Variants in BMPR1B observed in about 807,000 individuals in gnomAD.
BMPR1B encodes bone morphogenetic protein receptor type 1B.
In BMPR1B, 12 loss-of-function variants were observed where a neutral mutation model predicts 59.1. The observed-to-expected ratio is 0.20, with a 90% CI of 0.13 to 0.33. The LOEUF (loss-of-function observed/expected upper bound fraction) is 0.33, where lower values mean the gene tolerates loss of function less well. Among genes scored for constraint, BMPR1B ranks in the 10% least tolerant of loss-of-function variants. The probability of loss-of-function intolerance (pLI) is 1.00; values close to 1 mark genes in which losing one functional copy is unlikely to be tolerated. For missense variants in BMPR1B, 550 were observed against 610.9 expected (o/e 0.90, Z 1.05); for synonymous variants, 237 against 207.3 (o/e 1.14, Z -1.23).
At chr4:95,116,669 G>A (rs1421768876) in intron 6 of BMPR1B, among the ~76,000 whole-genome samples, 1 of 150,400 alleles carries the variant, frequency 6.6e-6, no homozygotes, top group East Asian at 2.0e-4. Flanking sequence ...AGGCTGGAGT[G>A]CATGGTGTCA....
intron 1 of BMPR1B, among the ~76,000 whole-genome samples, chr4:94,787,105 A>T (rs1229890159): frequency 6.6e-6 from 1 of 152,202 alleles, no homozygotes; most frequent in Non-Finnish European, 1.5e-5. Context: ...AGCCCTTGAT[A>T]TGTAGGAGAC....
intron 2 of BMPR1B, among the ~76,000 whole-genome samples, chr4:94,938,710 A>G (rs1405977605): frequency 3.3e-5 from 5 of 152,196 alleles, no homozygotes; most frequent in African/African-American, 4.8e-5. Context: ...TAAAAAGCAC[A>G]TTATAGTTTC....
intron 1 of BMPR1B, among the ~76,000 whole-genome samples, chr4:94,773,869 T>C (rs1255048511): frequency 2.6e-5 from 4 of 152,062 alleles, no homozygotes; most frequent in Non-Finnish European, 4.4e-5. Flanking sequence ...GTTGAAGTGT[T>C]ATGCAGTTGA....
chr4:94,981,940 G>T (rs757524056), intron 2 of BMPR1B, among the ~76,000 whole-genome samples: 8 of 152,122 alleles, frequency 5.3e-5, no homozygotes, highest in Admixed American at 2.0e-4. Context: ...CAGCAGATAG[G>T]CTTAAGAACA....
chr4:94,832,070 A>G (rs1724616067), intron 1 of BMPR1B, among the ~76,000 whole-genome samples: 1 of 149,590 alleles, frequency 6.7e-6, no homozygotes, highest in African/African-American at 2.4e-5. Flanking sequence ...ATTAATAATA[A>G]TAAAGTGCAC....
intron 2 of BMPR1B, among the ~76,000 whole-genome samples, chr4:94,977,058 T>TA (rs1399257552): frequency 1.3e-5 from 2 of 152,228 alleles, no homozygotes; most frequent in African/African-American, 4.8e-5. Flanking sequence ...TTCCAGGTGT[T>TA]ACAGTTTTAA....
rs182487097 is a variant in BMPR1B at position 95,090,983 on chromosome 4, C to T, written c.-17-13425C>T. 3.1e-3 allele frequency among the ~76,000 whole-genome samples: 472 copies of T among 152,080 alleles called. 1 individual carries two copies. Among genetic ancestry groups the T allele is most frequent in the Non-Finnish European group, 5.2e-3 (353 of 67,964 alleles). On this transcript the variant is annotated intron_variant, in intron 3 of 12. Transcript: ENST00000515059. ...GAATTTGACATTTAGTAAAGGTAAA[C>T]CTCTTTAATGAAAGATTTCTAAATG...
At chr4:95,134,938 T>G (rs1231494749) in intron 10 of BMPR1B, among the ~76,000 whole-genome samples, 1 of 152,236 alleles carries the variant, frequency 6.6e-6, no homozygotes, top group Non-Finnish European at 1.5e-5. Context: ...TCCTTGCCCA[T>G]GCCTGTGTCC....
Position 95,140,823 on chromosome 4 carries a change from C to A in BMPR1B, c.1077-7925C>A, listed in dbSNP as rs973262064. On this transcript the variant is annotated intron_variant, in intron 10 of 12. Coordinates refer to ENST00000515059, the MANE Select transcript of BMPR1B (RefSeq NM_001203.3). ...TAGCAAAGTAACTGAGACTCATCTCCTTTATAGACCTTAAAACAAAAAAGG... is the reference window on the plus strand; with the variant it reads ...TAGCAAAGTAACTGAGACTCATCTCATTTATAGACCTTAAAACAAAAAAGG... 5.9e-5 allele frequency among the ~76,000 whole-genome samples: 9 copies of A among 152,038 alleles called. 1 individual carries two copies. Among genetic ancestry groups the A allele is most frequent in the African/African-American group, 2.2e-4 (9 of 41,392 alleles).
intron 2 of BMPR1B, among the ~76,000 whole-genome samples, chr4:94,919,954 A>G (rs1410403344): frequency 6.6e-6 from 1 of 152,052 alleles, no homozygotes; most frequent in East Asian, 1.9e-4. Context: ...TTTGAAAGTA[A>G]TTGTCTTTCA....
rs145087836 is a variant in BMPR1B, at chr4:94,905,357, G to A, written c.-113+29457G>A. On this transcript the variant is annotated intron_variant, in intron 2 of 12. Transcript: ENST00000515059. ...CATTTGGTATTGCTTCTGTAGTGAAGACAACTGATTACTAATGCAAACAGT... is the reference window on the plus strand; with the variant it reads ...CATTTGGTATTGCTTCTGTAGTGAAAACAACTGATTACTAATGCAAACAGT... Among the ~76,000 whole-genome samples, 545 of 152,084 alleles carry A rather than the reference G, an allele frequency of 3.6e-3. 5 individuals are homozygous for A. The highest frequency in any genetic ancestry group is 0.012 in the African/African-American group (514 of 41,508).
intron 10 of BMPR1B, among the ~76,000 whole-genome samples, chr4:95,141,661 A>G (rs1734238178): frequency 6.6e-6 from 1 of 152,252 alleles, no homozygotes. Flanking sequence ...ACAATGACAC[A>G]TGAAATGCCT....
chr4:94,902,259 G>C (rs976927757), intron 2 of BMPR1B, among the ~76,000 whole-genome samples: 12,252 of 96,380 alleles, frequency 0.13, 525 homozygotes, highest in African/African-American at 0.15. Flanking sequence ...CAGAGAGAGA[G>C]AGAGAGAGAG....
Position 95,142,807 on chromosome 4 carries a change from G to A in BMPR1B, c.1077-5941G>A, listed in dbSNP as rs1033947263. 5.3e-5 allele frequency among the ~76,000 whole-genome samples: 7 copies of A among 131,420 alleles called. No individual in the cohort carries two copies. In the Admixed American group the frequency reaches 5.5e-4, roughly 10 times the overall value. 86.2% of individuals were successfully genotyped at this position (131,420 alleles called of 152,430 possible). ...GTGCCCTGTGCTCAGTCAAGTAGTT[G>A]GGGCTCTTTTTTTTTTTTTTTAACA... is the stretch of plus-strand genomic sequence containing the variant. On this transcript the variant is annotated intron_variant, in intron 10 of 12. Transcript: ENST00000515059.
intron 3 of BMPR1B, among the ~76,000 whole-genome samples, chr4:95,057,629 C>T (rs1386320156): frequency 1.3e-5 from 2 of 152,022 alleles, no homozygotes; most frequent in Non-Finnish European, 2.9e-5. Flanking sequence ...GTAATCCAAA[C>T]CCTTTTCTAG....
intron 1 of BMPR1B, among the ~76,000 whole-genome samples, chr4:94,786,370 CT>C (rs34747185): frequency 3.7e-4 from 52 of 140,238 alleles, no homozygotes; most frequent in Admixed American, 4.3e-4. Context: ...AATTCACCAC[CT>C]TTTTTTTTTT....
At chr4:94,871,484 C>T (rs919561854) in intron 1 of BMPR1B, among the ~76,000 whole-genome samples, 6 of 152,084 alleles carry the variant, frequency 3.9e-5, no homozygotes, top group African/African-American at 1.4e-4. Context: ...TCATGTTATT[C>T]TTTAAAAACC....
chr4:94,895,836 CTG>C (rs1259764925), intron 2 of BMPR1B, among the ~76,000 whole-genome samples: 1 of 151,860 alleles, frequency 6.6e-6, no homozygotes, highest in Non-Finnish European at 1.5e-5. Context: ...AATGCTAAAA[CTG>C]TGATACAAAC....
At chr4:95,115,397 C>A (rs1379973654) in intron 5 of BMPR1B, among the ~76,000 whole-genome samples, 1 of 152,098 alleles carries the variant, frequency 6.6e-6, no homozygotes, top group African/African-American at 2.4e-5. Context: ...CCTCAAAATC[C>A]AATTTAGCTT....
Sources: allele counts gnomAD v4.1 joint callset (sites outside exome capture counted in the v4.1 genomes callset), GRCh38; gene constraint gnomAD v4.1.1; transcripts MANE v1.5; gene names NCBI Gene and HGNC (gene_info 2026-07-23, HGNC 2026-07-21).